WDR70: variants seen among roughly 807,000 people sequenced by gnomAD.
WDR70 encodes the protein WD repeat domain 70.
A neutral mutation model predicts 88.6 loss-of-function variants in WDR70; 53 were observed. The observed-to-expected ratio is 0.60, with a 90% CI of 0.48 to 0.75. The LOEUF (loss-of-function observed/expected upper bound fraction) is 0.75. Ranked by LOEUF, WDR70 falls within the 30% of genes least tolerant of loss-of-function variation. WDR70 has a pLI of 0.00. For missense variants in WDR70, 610 were observed against 823.2 expected, an observed-to-expected ratio of 0.74 and a Z score of 3.17; for synonymous variants, 280 against 270.0, an observed-to-expected ratio of 1.04 and a Z score of -0.36.
At position 37,702,983 on chromosome 5, in the gene WDR70, A is replaced by G. The variant is rs1747209079; in HGVS notation, c.1312A>G (p.Ile438Val). ...CTGTTTCAGTCCAGATGATAAGCTC[A>G]TAGTCACTGGTACATCTATTCAAAG... ...DCCFSPDDKLIVTGTSIQRGC... is the reference protein window; with the variant it reads ...DCCFSPDDKLVVTGTSIQRGC... The change falls in exon 13 of 18, where the codon ATA becomes GTA. Residue 438 changes from isoleucine (I) to valine (V), a missense_variant. By Grantham distance (29) the Ile-to-Val change is conservative. This residue lies in a region of WDR70 where 254 missense variants were observed against 300.7 expected (regional missense o/e 0.84). Transcript: ENST00000265107. 2 of 1,613,394 alleles carry G rather than the reference A, an allele frequency of 1.2e-6. No individual in the cohort carries two copies. The highest frequency in any genetic ancestry group is 1.7e-6 in the Non-Finnish European group (2 of 1,179,454).
chr5:37,589,249 T>TAG (rs770022306), intron 9 of WDR70, among the ~76,000 whole-genome samples: 3 of 140,102 alleles, frequency 2.1e-5, no homozygotes, highest in Non-Finnish European at 3.1e-5. Flanking sequence ...CCTACACACA[T>TAG]ACACACACAC....
chr5:37,419,266 G>A (rs1426453076), intron 5 of WDR70, among the ~76,000 whole-genome samples: 3 of 150,476 alleles, frequency 2.0e-5, no homozygotes, highest in Admixed American at 1.3e-4. Context: ...GAGTGCAGTG[G>A]CGCAATCTTG....
Position 37,546,703 on chromosome 5 carries a change from C to T in WDR70, c.917+30113C>T, listed in dbSNP as rs188392654. Among the ~76,000 whole-genome samples, 126 of 152,064 alleles carry T rather than the reference C, an allele frequency of 8.3e-4. No homozygotes were observed. In the East Asian group the frequency reaches 0.023, roughly 28 times the overall value. On this transcript the variant is annotated intron_variant, in intron 9 of 17. Transcript: ENST00000265107. The stretch of plus-strand genomic sequence containing the variant: ...GGAGGCTGAGGCGGGCGGAGCACCT[C>T]GGGTCAGGAGTTCAAGACCAGCCTG...
rs538535461 is a variant in WDR70, at chr5:37,463,010, A to T, written c.687-16824A>T. Among the ~76,000 whole-genome samples the T allele has an allele frequency of 8.5e-5, 13 of 152,252 alleles. 1 individual carries two copies. The highest frequency in any genetic ancestry group is 3.3e-4 in the Admixed American group (5 of 15,294). ...AGACTAAGGCCAGGCGTGGTGGCTCATGCGTATAATCCCAGCACTTTGGGA... is the reference window on the plus strand; with the variant it reads ...AGACTAAGGCCAGGCGTGGTGGCTCTTGCGTATAATCCCAGCACTTTGGGA... On this transcript the variant is annotated intron_variant, in intron 7 of 17. Transcript: ENST00000265107.
At chr5:37,673,805 TC>T (rs922738013) in intron 10 of WDR70, among the ~76,000 whole-genome samples, 1 of 151,774 alleles carries the variant, frequency 6.6e-6, no homozygotes, top group East Asian at 1.9e-4. Context: ...GTGTGTTGTT[TC>T]CCCCTCCCCA....
At position 37,384,171 on chromosome 5, in the gene WDR70, C is replaced by T. The variant is rs571055980; in HGVS notation, c.175+2486C>T. Among the ~76,000 whole-genome samples, 3 of 115,940 alleles carry T rather than the reference C, an allele frequency of 2.6e-5. No homozygotes were observed. In the South Asian group the frequency reaches 1.0e-3, roughly 39 times the overall value. The allele number at this position is 115,940 out of a possible 152,430, so 76.1% of individuals were successfully genotyped here. ...CTAGCACTCCTCTCAGTACTTTCCCCCCTTTTTTTTTTTTTTTTTTTTTAT... is the reference window on the plus strand; with the variant it reads ...CTAGCACTCCTCTCAGTACTTTCCCTCCTTTTTTTTTTTTTTTTTTTTTAT... On this transcript the variant is annotated intron_variant, in intron 3 of 17. Coordinates refer to ENST00000265107, the MANE Select transcript of WDR70 (RefSeq NM_018034.4).
At chr5:37,690,102 A>G (rs1746738603) in intron 10 of WDR70, among the ~76,000 whole-genome samples, 1 of 152,206 alleles carries the variant, frequency 6.6e-6, no homozygotes. Flanking sequence ...AAGTGGAAGA[A>G]AGGGTATCAG....
At chr5:37,607,088 C>G (rs10473055) in intron 10 of WDR70, among the ~76,000 whole-genome samples, 86,566 of 150,440 alleles carry the variant, frequency 0.58, 25,052 homozygotes, top group African/African-American at 0.61. Flanking sequence ...ACATACAGGC[C>G]TGTACCACCA....
chr5:37,699,346 ACAC>A (rs1747075241), intron 11 of WDR70, among the ~76,000 whole-genome samples: 4 of 146,044 alleles, frequency 2.7e-5, no homozygotes, highest in Non-Finnish European at 1.5e-5. Context: ...ACACACACAC[ACAC>A]ACACACACAC....
At chr5:37,648,480 C>G (rs1745303835) in intron 10 of WDR70, among the ~76,000 whole-genome samples, 1 of 152,082 alleles carries the variant, frequency 6.6e-6, no homozygotes, top group East Asian at 1.9e-4. Flanking sequence ...TACTTAATAA[C>G]TTTTAAAAAA....
At chr5:37,409,416 A>G (rs2111950111) in intron 5 of WDR70, among the ~76,000 whole-genome samples, 1 of 152,122 alleles carries the variant, frequency 6.6e-6, no homozygotes, top group South Asian at 2.1e-4. Context: ...GTTTATACCG[A>G]GGATCACTGA....
intron 17 of WDR70, among the ~76,000 whole-genome samples, chr5:37,739,656 T>C (rs996539644): frequency 2.6e-5 from 4 of 152,162 alleles, no homozygotes; most frequent in African/African-American, 9.6e-5. Context: ...TTTTCATATA[T>C]ATATATACTT....
intron 10 of WDR70, among the ~76,000 whole-genome samples, chr5:37,610,972 A>G (rs1487073892): frequency 6.6e-6 from 1 of 152,220 alleles, no homozygotes; most frequent in African/African-American, 2.4e-5. Context: ...TAGAATCACC[A>G]GCAAGCTAAT....
intron 10 of WDR70, among the ~76,000 whole-genome samples, chr5:37,633,777 A>G (rs1370466341): frequency 1.0e-5 from 1 of 100,102 alleles, no homozygotes; most frequent in African/African-American, 3.9e-5. Context: ...TACTTTGGTT[A>G]AACAAGATAC....
At chr5:37,475,865 G>T (rs1469323527) in intron 7 of WDR70, among the ~76,000 whole-genome samples, 17 of 104,488 alleles carry the variant, frequency 1.6e-4, no homozygotes, top group African/African-American at 5.2e-4. Flanking sequence ...TTTTTTTGGA[G>T]ATGGCATTTT....
At chr5:37,440,380 C>G (rs1750616841) in intron 6 of WDR70, among the ~76,000 whole-genome samples, 1 of 152,000 alleles carries the variant, frequency 6.6e-6, no homozygotes, top group African/African-American at 2.4e-5. Flanking sequence ...AAGTCTTGCT[C>G]TGTCACTCAG....
chr5:37,676,847 G>A (rs1026967176), intron 10 of WDR70, among the ~76,000 whole-genome samples: 29 of 152,178 alleles, frequency 1.9e-4, no homozygotes, highest in African/African-American at 6.8e-4. Flanking sequence ...GAATTTGGCT[G>A]TGAATCCATC....
intron 9 of WDR70, among the ~76,000 whole-genome samples, chr5:37,531,997 T>C (rs1294251101): frequency 6.6e-6 from 1 of 152,196 alleles, no homozygotes; most frequent in East Asian, 1.9e-4. Context: ...GAAAAGACTG[T>C]ACCTTTCCTT....
intron 8 of WDR70, among the ~76,000 whole-genome samples, chr5:37,494,890 G>T (rs1186593002): frequency 1.3e-5 from 2 of 152,266 alleles, no homozygotes; most frequent in Non-Finnish European, 2.9e-5. Flanking sequence ...AAATGACTAA[G>T]AGTGTGTTAG....
Sources: allele counts gnomAD v4.1 joint callset (sites outside exome capture counted in the v4.1 genomes callset), GRCh38; gene constraint gnomAD v4.1.1; regional missense constraint gnomAD v4.1.1; transcripts MANE v1.5; gene names NCBI Gene and HGNC (gene_info 2026-07-23, HGNC 2026-07-21).